Variants in PAQR3 observed in about 807,000 individuals in gnomAD.
PAQR3 encodes the protein progestin and adipoQ receptor family member 3, also known as Raf kinase trapping to Golgi.
A neutral mutation model predicts 41.7 loss-of-function variants in PAQR3; 39 were observed. The observed-to-expected ratio is 0.93, with a 90% CI of 0.72 to 1.22. The LOEUF (loss-of-function observed/expected upper bound fraction) is 1.22. Ranked by LOEUF, PAQR3 falls within the 50% of genes most tolerant of loss-of-function variation. The pLI is 0.00. For missense variants in PAQR3, 366 were observed against 385.6 expected (o/e 0.95, Z 0.42); for synonymous variants, 140 against 140.6 (o/e 1.00, Z 0.03).
intron 5 of PAQR3, chr4:78,921,907 T>C: frequency 2.0e-6 from 2 of 985,096 alleles, no homozygotes; most frequent in Non-Finnish European, 2.4e-6. Context: ...TAGGGCACAT[T>C]TTATGTCAAG....
At chr4:78,922,021 C>G (rs954668929) in intron 5 of PAQR3, 1 of 1,011,156 alleles carries the variant, frequency 9.9e-7, no homozygotes, top group African/African-American at 1.7e-5. Context: ...GCCTAAAACC[C>G]ACTATGGTCA....
At chr4:78,900,610 CCTTA>C (rs1733948847) in intron 11 of PAQR3, among the ~76,000 whole-genome samples, 1 of 152,174 alleles carries the variant, frequency 6.6e-6, no homozygotes, top group South Asian at 2.1e-4. Flanking sequence ...AGCTGGCCTA[CCTTA>C]CTTTGGCCAC....
At chr4:78,887,140 T>G in exon 13 of PAQR3, 1 of 1,361,466 alleles carries the variant, frequency 7.3e-7, no homozygotes, top group Non-Finnish European at 1.0e-6. Context: ...TTATTTCATT[T>G]CATTTTTTAT....
chr4:78,893,468 A>G (rs1248373670), intron 11 of PAQR3, among the ~76,000 whole-genome samples: 2 of 152,204 alleles, frequency 1.3e-5, no homozygotes, highest in Non-Finnish European at 2.9e-5. Context: ...TGAAATCTAG[A>G]ATGGTGAATT....
intron 12 of PAQR3, among the ~76,000 whole-genome samples, chr4:78,887,536 T>C (rs777081190): frequency 2.0e-5 from 3 of 152,214 alleles, no homozygotes; most frequent in Non-Finnish European, 2.9e-5. Flanking sequence ...ATCTTTATTA[T>C]TGGATACTGT....
chr4:78,894,718 T>G (rs748076421), intron 11 of PAQR3, among the ~76,000 whole-genome samples: 1 of 152,232 alleles, frequency 6.6e-6, no homozygotes, highest in Non-Finnish European at 1.5e-5. Flanking sequence ...ATTTTTCCTT[T>G]GTGTTCACTT....
chr4:78,894,253 T>C (rs1733585576), intron 11 of PAQR3, among the ~76,000 whole-genome samples: 1 of 152,244 alleles, frequency 6.6e-6, no homozygotes, highest in South Asian at 2.1e-4. Flanking sequence ...GTCTGTCCTT[T>C]GAATCTTTGA....
chr4:78,913,336 CTTTT>C lies in PAQR3; in HGVS notation c.*7199_*7202del, dbSNP rs903942430. The C allele has an allele frequency of 6.6e-6, 1 of 152,022 alleles. No homozygotes were observed. Among genetic ancestry groups the C allele is most frequent in the Non-Finnish European group, 1.5e-5 (1 of 67,960 alleles). The allele number at this position is 152,022 out of a possible 1,614,324, so 9.4% of individuals were successfully genotyped here. On this transcript the variant is annotated 3_prime_UTR_variant, in exon 6 of 6. Coordinates refer to ENST00000512733, the MANE Select transcript of PAQR3 (RefSeq NM_001040202.2). ...GAAAAGAACCCAGCTACCAATTTGCCTTTTTTTACACCACAAATCCTAATTAGAA... is the reference window on the plus strand; with the variant it reads ...GAAAAGAACCCAGCTACCAATTTGCCTTTACACCACAAATCCTAATTAGAA...
intron 1 of PAQR3, among the ~76,000 whole-genome samples, chr4:78,937,407 C>A (rs1737548611): frequency 6.6e-6 from 1 of 152,218 alleles, no homozygotes. Flanking sequence ...CTTCTTCCGT[C>A]TTTCGAACCT....
intron 11 of PAQR3, among the ~76,000 whole-genome samples, chr4:78,904,848 T>C (rs1219325904): frequency 1.3e-5 from 2 of 151,964 alleles, no homozygotes; most frequent in African/African-American, 4.8e-5. Context: ...TGTGAAAGTC[T>C]ATGATTTTAT....
chr4:78,910,721 A>G, downstream of PAQR3: 1 of 1,613,618 alleles, frequency 6.2e-7, no homozygotes, highest in South Asian at 1.1e-5. Context: ...CGGACTGGAA[A>G]GAAAACCTCA....
At position 78,915,098 on chromosome 4, in the gene PAQR3, G is replaced by C. The variant is rs1560564944; in HGVS notation, c.*5441C>G. ...GGCCGGATGAAAATTTAACTGACTA[G>C]AACATTTATTCAGGAGTGTAATTAT... On this transcript the variant is annotated 3_prime_UTR_variant, in exon 6 of 6. Transcript: ENST00000512733. The C allele has an allele frequency of 6.6e-6, 1 of 151,940 alleles. No homozygotes were observed. Among genetic ancestry groups the C allele is most frequent in the Non-Finnish European group, 1.5e-5 (1 of 67,922 alleles). The allele number at this position is 151,940 out of a possible 1,614,324, so 9.4% of individuals were successfully genotyped here. A position where few individuals can be genotyped will look rare whatever the true frequency, so the allele number is the denominator to read the frequency against.
At chr4:78,929,665 C>T in intron 3 of PAQR3, among the ~76,000 whole-genome samples, 2 of 152,118 alleles carry the variant, frequency 1.3e-5, no homozygotes, top group East Asian at 3.9e-4. Context: ...TACAAGCCTA[C>T]CCCCAAACAT....
intron 11 of PAQR3, among the ~76,000 whole-genome samples, chr4:78,899,355 TA>T (rs1733878543): frequency 1.3e-5 from 2 of 152,052 alleles, no homozygotes; most frequent in Non-Finnish European, 2.9e-5. Context: ...GAATATAGGG[TA>T]GGTCAAGAAA....
At chr4:78,907,818 T>C (rs1419982913), downstream of PAQR3, among the ~76,000 whole-genome samples, 2 of 152,064 alleles carry the variant, frequency 1.3e-5, no homozygotes, top group African/African-American at 2.4e-5. Context: ...TTGGGCAACA[T>C]TGGAATGTTA....
At chr4:78,911,248 G>A, downstream of PAQR3, 1 of 1,613,970 alleles carries the variant, frequency 6.2e-7, no homozygotes, top group Non-Finnish European at 8.5e-7. Context: ...ATTCACAAAG[G>A]CGCCTTTTAG....
intron 4 of PAQR3, among the ~76,000 whole-genome samples, chr4:78,926,200 C>A (rs529615063): frequency 2.0e-5 from 3 of 152,264 alleles, no homozygotes; most frequent in East Asian, 1.9e-4. Flanking sequence ...ACTGATCCCG[C>A]AGACAAAGCT....
In PAQR3 at chr4:78,939,173, G is replaced by A. The variant is rs1560589350; in HGVS notation, c.52C>T (p.Gln18Ter). The A allele has an allele frequency of 1.2e-6, 2 of 1,612,276 alleles. No homozygotes were observed. Among genetic ancestry groups the A allele is most frequent in the Non-Finnish European group, 1.7e-6 (2 of 1,179,268 alleles). ...SAHYIELGSY[Q>*]YWPVLVPRGI... ...CGGGGCACCAGGACCGGCCAGTACT[G>A]GTAGCTGCCCAGCTCGATGTAATGC... Residue 18 changes from glutamine (Q) to a stop codon, truncating the protein, a stop_gained, in exon 1 of 6, where the codon CAG becomes TAG. Coordinates refer to ENST00000512733, the MANE Select transcript of PAQR3 (RefSeq NM_001040202.2). LOFTEE classifies it high-confidence loss of function.
At position 78,926,658 on chromosome 4, in the gene PAQR3, G is replaced by A; in HGVS notation, c.565C>T (p.Gln189Ter). The A allele has an allele frequency of 6.2e-7, 1 of 1,614,008 alleles. No individual in the cohort carries two copies. Among genetic ancestry groups the A allele is most frequent in the East Asian group, 2.2e-5 (1 of 44,874 alleles). The change falls in exon 4 of 6, where the codon CAG becomes TAG. Residue 189 changes from glutamine to a stop codon, truncating the protein, a stop_gained. Transcript: ENST00000512733. LOFTEE classifies it high-confidence loss of function. ...LAMILAVFFA[Q>*]IHPNYLTQQW... ...TGCGTGAGGTAATTGGGATGAATCTGCGCAAAGAACACTGCCAGGATCATA... is the reference window on the plus strand; with the variant it reads ...TGCGTGAGGTAATTGGGATGAATCTACGCAAAGAACACTGCCAGGATCATA...
Sources: gnomAD v4.1 joint callset for allele counts (sites outside exome capture counted in the v4.1 genomes callset) on GRCh38, gnomAD v4.1.1 for gene constraint, MANE v1.5 for transcripts, NCBI Gene and HGNC (gene_info 2026-07-23, HGNC 2026-07-21) for gene names.